Variants in MYH9 observed in about 807,000 individuals in gnomAD.
MYH9 encodes the protein myosin heavy chain 9, also known as myosin-9.
MYH9 carries 29 observed loss-of-function variants against 241.9 expected under a neutral mutation model. The ratio of observed to expected loss-of-function variants is 0.12; its 90% confidence interval spans 0.09 to 0.16. MYH9 has a LOEUF of 0.16. Ranked by LOEUF, MYH9 falls within the 10% of genes least tolerant of loss-of-function variation. The pLI is 1.00. For missense variants in MYH9, 1,803 were observed against 2,595.5 expected (o/e 0.69, Z 6.63); for synonymous variants, 1,047 against 1,062.6 (o/e 0.99, Z 0.29).
At chr22:36,380,543 C>T (rs763033184) in intron 1 of MYH9, among the ~76,000 whole-genome samples, 7 of 152,142 alleles carry the variant, frequency 4.6e-5, no homozygotes, top group Non-Finnish European at 8.8e-5. Context: ...GAGTTCGAGA[C>T]CAGCCTGGCC....
intron 3 of MYH9, among the ~76,000 whole-genome samples, chr22:36,339,035 A>G (rs938500057): frequency 2.0e-4 from 30 of 152,212 alleles, no homozygotes; most frequent in Admixed American, 1.8e-3. Context: ...TTGTCCCCCA[A>G]TTACTTTCAA....
Position 36,320,750 on chromosome 22 carries a change from G to T in MYH9, c.868+48C>A. The T allele has an allele frequency of 6.6e-7, 1 of 1,504,326 alleles. No homozygotes were observed. Among genetic ancestry groups the T allele is most frequent in the Non-Finnish European group, 9.2e-7 (1 of 1,082,802 alleles). The allele number at this position is 1,504,326 out of a possible 1,614,324, so 93.2% of individuals were successfully genotyped here. A position where few individuals can be genotyped will look rare whatever the true frequency, so the allele number is the denominator to read the frequency against. ...GTCTACGGTCCAATTCTGGCAAGAG[G>T]CCCAGAGCCCGGCAGCCCCGGTGTC... On this transcript the variant is annotated intron_variant, in intron 8 of 40. Transcript: ENST00000216181. The surrounding 1 kb of genome is among the most constrained non-coding windows in gnomAD (Gnocchi z 4.8).
At chr22:36,308,211 C>A (rs543493110) in intron 15 of MYH9, among the ~76,000 whole-genome samples, 1 of 152,158 alleles carries the variant, frequency 6.6e-6, no homozygotes, top group South Asian at 2.1e-4. Flanking sequence ...AAGACGCTGT[C>A]TTTAGGCATG....
intron 3 of MYH9, among the ~76,000 whole-genome samples, chr22:36,332,675 A>C (rs1414428222): frequency 2.0e-5 from 3 of 150,898 alleles, no homozygotes; most frequent in East Asian, 2.0e-4. Context: ...AAAAAAAAAA[A>C]AAAAAAAAAA....
chr22:36,309,050 C>T (rs1019927245), intron 15 of MYH9, among the ~76,000 whole-genome samples: 30 of 152,180 alleles, frequency 2.0e-4, no homozygotes, highest in African/African-American at 4.8e-4. Context: ...TTCCCACACA[C>T]GGAAAGCGCT....
intron 5 of MYH9, 31 bp from the exon 6 acceptor site, chr22:36,322,552 C>T (rs372143653): frequency 3.0e-5 from 48 of 1,609,842 alleles, no homozygotes; most frequent in Non-Finnish European, 3.7e-5. Flanking sequence ...CAGTGAAGGC[C>T]GGGCAGCGAC....
chr22:36,285,040 G>A lies in MYH9; in HGVS notation c.5483+81C>T. ...GCTCAGGAGACAGAGAGCTGGTTGT[G>A]GCCCAGATTTGGGCAGGACTGCAGG... On this transcript the variant is annotated intron_variant, in intron 38 of 40. Coordinates refer to ENST00000216181, the MANE Select transcript of MYH9 (RefSeq NM_002473.6). This position sits in a 1 kb window ranked among gnomAD's most constrained non-coding sequence, Gnocchi z 7.0. 5 of 1,307,252 alleles carry A rather than the reference G, an allele frequency of 3.8e-6. No homozygotes were observed. Among genetic ancestry groups the A allele is most frequent in the South Asian group, 1.2e-5 (1 of 81,262 alleles). The allele number at this position is 1,307,252 out of a possible 1,614,324, so 81.0% of individuals were successfully genotyped here.
Position 36,289,236 on chromosome 22 carries a change from G to T in MYH9, c.4406C>A (p.Ala1469Glu). Residue 1469 changes from alanine (A) to glutamate (E), a missense_variant, in exon 32 of 41, where the codon GCG becomes GAG. This residue lies in a region of MYH9 where 876 missense variants were observed against 1,077.8 expected (regional missense o/e 0.81). Coordinates refer to ENST00000216181, the MANE Select transcript of MYH9 (RefSeq NM_002473.6). ...KYAEERDRAE[A>E]EAREKETKAL... ...CTTGGTCTCCTTCTCTCGGGCCTCC[G>T]CCTCAGCCCGGTCGCGCTCCTCTGC... is the stretch of plus-strand genomic sequence containing the variant. 6.2e-7 allele frequency: 1 copy of T among 1,612,892 alleles called. No homozygotes were observed. Among genetic ancestry groups the T allele is most frequent in the Non-Finnish European group, 8.5e-7 (1 of 1,180,018 alleles).
intron 1 of MYH9, among the ~76,000 whole-genome samples, chr22:36,369,680 C>T (rs1018032621): frequency 6.6e-6 from 1 of 152,234 alleles, no homozygotes; most frequent in African/African-American, 2.4e-5. Flanking sequence ...CCAGCAACCA[C>T]CACTGTGAGG....
chr22:36,387,898 G>A lies in MYH9; in HGVS notation c.-111C>T, dbSNP rs555568413. ...CGGCGGCCGGGTGGGGCGAGCGCAC[G>A]AGGCGGGAGCTGCAGCAGGTCAGCC... On this transcript the variant is annotated 5_prime_UTR_variant, in exon 1 of 41. Coordinates refer to ENST00000216181, the MANE Select transcript of MYH9 (RefSeq NM_002473.6). The A allele has an allele frequency of 5.9e-5, 9 of 152,322 alleles. No homozygotes were observed. The highest frequency in any genetic ancestry group is 4.6e-4 in the Admixed American group (7 of 15,302). The allele number at this position is 152,322 out of a possible 1,614,324, so 9.4% of individuals were successfully genotyped here. A position where few individuals can be genotyped will look rare whatever the true frequency, so the allele number is the denominator to read the frequency against.
rs1368917736 is a variant in MYH9, at chr22:36,289,166, C to T, written c.4476G>A (p.Lys1492=). Residue 1492 remains lysine, a synonymous_variant, in exon 32 of 41, where the codon AAG becomes AAA. Coordinates refer to ENST00000216181, the MANE Select transcript of MYH9 (RefSeq NM_002473.6). ...GCTTGTTGAGCCGCTCCAGCTCCGC[C>T]TTCTGCTCCATGGCTTCCTCCAGGG... is the stretch of plus-strand genomic sequence containing the variant. ...ARALEEAMEQ[K]AELERLNKQF... 6.2e-7 allele frequency: 1 copy of T among 1,613,954 alleles called. No individual in the cohort carries two copies. The highest frequency in any genetic ancestry group is 1.7e-5 in the Admixed American group (1 of 60,034).
chr22:36,317,942 A>G (rs146319534), intron 11 of MYH9, among the ~76,000 whole-genome samples: 17 of 152,362 alleles, frequency 1.1e-4, no homozygotes, highest in Non-Finnish European at 2.2e-4. Context: ...AATCAGCCAA[A>G]ATACCATCTC....
At chr22:36,336,311 C>T (rs1354064497) in intron 3 of MYH9, among the ~76,000 whole-genome samples, 1 of 152,242 alleles carries the variant, frequency 6.6e-6, no homozygotes, top group Non-Finnish European at 1.5e-5. Context: ...CACCTTTCCC[C>T]ATAGGGGAGA....
At chr22:36,292,319 C>T (rs2016719413) in intron 30 of MYH9, 85 bp from the exon 31 acceptor site, 1 of 1,570,274 alleles carries the variant, frequency 6.4e-7, no homozygotes, top group East Asian at 2.2e-5. Context: ...TGGGAGCCTG[C>T]CTGCCACACC....
intron 1 of MYH9, among the ~76,000 whole-genome samples, chr22:36,355,657 A>C (rs2017843784): frequency 6.6e-6 from 1 of 152,126 alleles, no homozygotes; most frequent in African/African-American, 2.4e-5. Flanking sequence ...TTCTCACTCA[A>C]TCCTTGCAAT....
chr22:36,350,823 G>A (rs534207069), intron 1 of MYH9, among the ~76,000 whole-genome samples: 3 of 152,196 alleles, frequency 2.0e-5, no homozygotes, highest in South Asian at 2.1e-4. Context: ...CTACCCTAGT[G>A]TAAAACTGAC....
At chr22:36,338,023 A>C (rs895048135) in intron 3 of MYH9, among the ~76,000 whole-genome samples, 15 of 151,678 alleles carry the variant, frequency 9.9e-5, no homozygotes, top group Admixed American at 2.0e-4. Flanking sequence ...ATTGAGACCA[A>C]GTCTCGCTCT....
rs1046129316 is a variant in MYH9, at chr22:36,305,566, C to T, written c.2159+364G>A. Among the ~76,000 whole-genome samples the T allele has an allele frequency of 5.9e-5, 9 of 152,222 alleles. No homozygotes were observed. In the East Asian group the frequency reaches 1.3e-3, roughly 23 times the overall value. ...GTGTCGCCGTCTTCGCACACAGCAA[C>T]GCACGGCCGTGTTTCATTTCCACAA... On this transcript the variant is annotated intron_variant, in intron 17 of 40. Transcript: ENST00000216181. This position sits in a 1 kb window ranked among gnomAD's most constrained non-coding sequence, Gnocchi z 4.7.
intron 1 of MYH9, among the ~76,000 whole-genome samples, chr22:36,349,594 G>A (rs779696883): frequency 1.3e-4 from 20 of 152,134 alleles, no homozygotes; most frequent in Non-Finnish European, 2.1e-4. Context: ...ACCAGGCGTG[G>A]TGGTGCACAC....
Sources: allele counts gnomAD v4.1 joint callset (sites outside exome capture counted in the v4.1 genomes callset), GRCh38; gene constraint gnomAD v4.1.1; regional missense constraint gnomAD v4.1.1; non-coding constraint Gnocchi (gnomAD v3.1); transcripts MANE v1.5; gene names NCBI Gene and HGNC (gene_info 2026-07-23, HGNC 2026-07-21).